ROBO1: variants seen among roughly 807,000 people sequenced by gnomAD.
The protein encoded by ROBO1 is roundabout homolog 1.
Under a neutral mutation model 195.9 loss-of-function variants are expected in ROBO1, and 149 were observed. The ratio of observed to expected loss-of-function variants is 0.76; its 90% CI spans 0.67 to 0.87. The LOEUF (loss-of-function observed/expected upper bound fraction) is 0.87. Ranked by LOEUF, ROBO1 falls within the 40% of genes least tolerant of loss-of-function variation. ROBO1 has a pLI of 0.00. For synonymous variants in ROBO1, 816 were observed against 733.2 expected, an observed-to-expected ratio of 1.11 and a Z score of -1.82; for missense variants, 1,933 against 2,068.3, an observed-to-expected ratio of 0.93 and a Z score of 1.27.
chr3:79,382,086 G>T (rs1328267012), intron 2 of ROBO1, among the ~76,000 whole-genome samples: 1 of 152,068 alleles, frequency 6.6e-6, no homozygotes, highest in African/African-American at 2.4e-5. Flanking sequence ...CATCAGGGAT[G>T]AAGATAAAGC....
intron 2 of ROBO1, among the ~76,000 whole-genome samples, chr3:79,266,426 C>T (rs1272503492): frequency 6.6e-6 from 1 of 151,490 alleles, no homozygotes; most frequent in East Asian, 1.9e-4. Context: ...AACAAACCTG[C>T]AAGAGATAGA....
intron 4 of ROBO1, among the ~76,000 whole-genome samples, chr3:78,862,393 A>T (rs2034906228): frequency 6.6e-6 from 1 of 152,208 alleles, no homozygotes; most frequent in Non-Finnish European, 1.5e-5. Context: ...ATTCTTTTCT[A>T]TAGCCTTGAA....
chr3:79,645,028 A>G (rs1278984351), intron 1 of ROBO1, among the ~76,000 whole-genome samples: 1 of 152,188 alleles, frequency 6.6e-6, no homozygotes, highest in Non-Finnish European at 1.5e-5. Flanking sequence ...ATGGAAATAC[A>G]ACATACCCAA....
At chr3:78,608,968 A>G (rs1703628687) in intron 28 of ROBO1, among the ~76,000 whole-genome samples, 1 of 152,218 alleles carries the variant, frequency 6.6e-6, no homozygotes, top group African/African-American at 2.4e-5. Flanking sequence ...GTATCAAAAT[A>G]GAAAGGTACA....
chr3:79,457,701 C>T (rs567579038), intron 2 of ROBO1, among the ~76,000 whole-genome samples: 3 of 152,110 alleles, frequency 2.0e-5, no homozygotes, highest in Non-Finnish European at 4.4e-5. Context: ...AACAGCAGTT[C>T]CCCTGCACAT....
chr3:79,717,503 A>G (rs556343406), intron 1 of ROBO1, among the ~76,000 whole-genome samples: 1 of 152,044 alleles, frequency 6.6e-6, no homozygotes, highest in East Asian at 1.9e-4. Flanking sequence ...TGTTTGACCA[A>G]TTCGAGCTCT....
chr3:79,612,273 T>G (rs980846294), intron 1 of ROBO1, among the ~76,000 whole-genome samples: 3 of 148,826 alleles, frequency 2.0e-5, no homozygotes, highest in African/African-American at 7.5e-5. Flanking sequence ...AGTGAGAATA[T>G]GCGGTGTTTG....
intron 2 of ROBO1, among the ~76,000 whole-genome samples, chr3:79,335,826 G>A (rs2034642527): frequency 6.6e-6 from 1 of 152,146 alleles, no homozygotes. Context: ...GGAAGATGTG[G>A]GAAACTTTGG....
At chr3:79,095,002 C>G (rs1027099692) in intron 3 of ROBO1, among the ~76,000 whole-genome samples, 2 of 151,324 alleles carry the variant, frequency 1.3e-5, no homozygotes, top group East Asian at 2.0e-4. Context: ...CTATGACTAC[C>G]ATGAATCAGA....
intron 2 of ROBO1, among the ~76,000 whole-genome samples, chr3:79,458,616 C>G (rs749315055): frequency 6.6e-6 from 1 of 151,516 alleles, no homozygotes; most frequent in African/African-American, 2.4e-5. Context: ...AGCAAAAATA[C>G]GAATCTAAGA....
chr3:79,715,013 T>A (rs1413943112), intron 1 of ROBO1, among the ~76,000 whole-genome samples: 4 of 151,898 alleles, frequency 2.6e-5, no homozygotes, highest in African/African-American at 2.4e-5. Flanking sequence ...ATAAAATTTT[T>A]TAAAAAAGTG....
chr3:79,061,135 T>C (rs564019478), intron 3 of ROBO1, among the ~76,000 whole-genome samples: 2 of 152,274 alleles, frequency 1.3e-5, no homozygotes, highest in African/African-American at 4.8e-5. Context: ...CTTAAGCTGA[T>C]AAGCAACTTC....
chr3:79,740,073 C>A (rs1166586376), intron 1 of ROBO1, among the ~76,000 whole-genome samples: 1 of 151,104 alleles, frequency 6.6e-6, no homozygotes, highest in Non-Finnish European at 1.5e-5. Flanking sequence ...TAATCATTAA[C>A]TTTAATATAA....
At chr3:79,320,832 T>G (rs1450247133) in intron 2 of ROBO1, among the ~76,000 whole-genome samples, 1 of 152,244 alleles carries the variant, frequency 6.6e-6, no homozygotes, top group African/African-American at 2.4e-5. Flanking sequence ...TATTTAATTT[T>G]AGATGCTATA....
chr3:78,916,566 A>AC (rs2038607874), intron 4 of ROBO1, among the ~76,000 whole-genome samples: 1 of 151,870 alleles, frequency 6.6e-6, no homozygotes, highest in African/African-American at 2.4e-5. Flanking sequence ...AGAAAAAAAA[A>AC]AAAAAAAGAA....
intron 2 of ROBO1, among the ~76,000 whole-genome samples, chr3:79,563,777 GA>G (rs1943002350): frequency 6.6e-6 from 1 of 152,026 alleles, no homozygotes; most frequent in Non-Finnish European, 1.5e-5. Flanking sequence ...TGAAAGATGT[GA>G]GGTAAATCTA....
At chr3:79,339,597 T>C (rs1247334781) in intron 2 of ROBO1, among the ~76,000 whole-genome samples, 5 of 152,202 alleles carry the variant, frequency 3.3e-5, no homozygotes, top group Non-Finnish European at 7.3e-5. Context: ...TCCCTGAAGA[T>C]ACTTTGTAGT....
chr3:78,986,513 A>C (rs973748805), intron 3 of ROBO1, among the ~76,000 whole-genome samples: 1 of 151,998 alleles, frequency 6.6e-6, no homozygotes, highest in Admixed American at 6.6e-5. Context: ...AATGACAGCT[A>C]TTCATGTGTC....
intron 16 of ROBO1, chr3:78,660,755 T>C (rs989467273): frequency 7.2e-6 from 2 of 277,218 alleles, no homozygotes; most frequent in Admixed American, 1.0e-4. Flanking sequence ...ATGTGAATTT[T>C]AGTTCTGAAT....
Sources: gnomAD v4.1 joint callset for allele counts (sites outside exome capture counted in the v4.1 genomes callset) on GRCh38, gnomAD v4.1.1 for gene constraint, MANE v1.5 for transcripts, NCBI Gene and HGNC (gene_info 2026-07-23, HGNC 2026-07-21) for gene names.